Variants in CABIN1 observed in about 807,000 individuals in gnomAD.
CABIN1 encodes the protein calcineurin binding protein 1.
In CABIN1, 133 loss-of-function variants were observed where a neutral mutation model predicts 227.7. That is an observed-to-expected ratio of 0.58 (90% CI 0.51 to 0.67). The LOEUF is 0.67. CABIN1 is among the 30% of genes least tolerant of loss of function. The pLI is 0.00. For synonymous variants in CABIN1, 1,086 were observed against 1,155.1 expected (o/e 0.94, Z 1.21); for missense variants, 2,408 against 2,852.5 (o/e 0.84, Z 3.55).
intron 16 of CABIN1, 89 bp downstream of exon 16, chr22:24,067,270 T>C: frequency 7.6e-7 from 1 of 1,309,372 alleles, no homozygotes; most frequent in South Asian, 1.2e-5. Context: ...CGGTAGTTCT[T>C]AAGAATGTAT....
chr22:24,107,525 C>G (rs893387049), intron 26 of CABIN1, among the ~76,000 whole-genome samples: 2 of 152,202 alleles, frequency 1.3e-5, no homozygotes, highest in African/African-American at 4.8e-5. Context: ...AGCAGAGTCC[C>G]CACTCAATTG....
intron 15 of CABIN1, among the ~76,000 whole-genome samples, chr22:24,065,379 G>T (rs2146545629): frequency 6.6e-6 from 1 of 150,432 alleles, no homozygotes; most frequent in South Asian, 2.1e-4. Flanking sequence ...TGGGCAGCCG[G>T]GCAGAGACAC....
chr22:24,132,923 C>T (rs1392987791), intron 28 of CABIN1, among the ~76,000 whole-genome samples: 1 of 152,188 alleles, frequency 6.6e-6, no homozygotes, highest in Non-Finnish European at 1.5e-5. Context: ...CAGGTTGTTC[C>T]TCCTAGGGTG....
intron 6 of CABIN1, among the ~76,000 whole-genome samples, chr22:24,045,454 CTTT>C (rs201647137): frequency 1.4e-5 from 2 of 142,310 alleles, no homozygotes; most frequent in Non-Finnish European, 1.5e-5. Flanking sequence ...TTTAAAAATA[CTTT>C]TTTTTTTTTT....
At position 24,178,118 on chromosome 22, in the gene CABIN1, G is replaced by A. The variant is rs1401207566; in HGVS notation, c.6585G>A (p.Leu2195=). 1 of 1,613,748 alleles carries A rather than the reference G, an allele frequency of 6.2e-7. No individual in the cohort carries two copies. Among genetic ancestry groups the A allele is most frequent in the African/African-American group, 1.3e-5 (1 of 74,920 alleles). The change falls in exon 37 of 37, where the codon CTG becomes CTA. Residue 2195 remains leucine, a synonymous_variant. Transcript: ENST00000263119. The part of the protein sequence containing the change: ...VRKESLCQPA[L]EVLETSSQES... Reference sequence around the variant, plus strand: ...AGGAGAGCCTATGCCAGCCAGCCCTGGAGGTCCTGGAGACATCCAGCCAGG... The same window carrying A: ...AGGAGAGCCTATGCCAGCCAGCCCTAGAGGTCCTGGAGACATCCAGCCAGG...
At chr22:24,021,366 C>T (rs557912476) in intron 1 of CABIN1, among the ~76,000 whole-genome samples, 32 of 152,276 alleles carry the variant, frequency 2.1e-4, no homozygotes, top group African/African-American at 6.7e-4. Context: ...CTATGTTGCC[C>T]AGGCTAGTCT....
chr22:24,071,089 C>T, intron 17 of CABIN1, 47 bp downstream of exon 17: 1 of 1,612,372 alleles, frequency 6.2e-7, no homozygotes, highest in Non-Finnish European at 8.5e-7. Context: ...GCAGGTATGT[C>T]TCTGTGACAT....
chr22:24,085,528 C>T (rs9624399), intron 22 of CABIN1, among the ~76,000 whole-genome samples: 2,453 of 152,300 alleles, frequency 0.016, 80 homozygotes, highest in African/African-American at 0.056. Context: ...GCTTCCACTG[C>T]AGGCTTCTTA....
chr22:24,063,044 A>C lies in CABIN1; in HGVS notation c.1782A>C (p.Leu594=), dbSNP rs768949687. The C allele has an allele frequency of 6.2e-6, 10 of 1,614,036 alleles. No individual in the cohort carries two copies. In the South Asian group the frequency reaches 1.1e-4, roughly 18 times the overall value. ...FPGTHCLGDL[L]QLSFASSQRD... ...GGACCCACTGCCTGGGTGACCTCCT[A>C]CAGCTGTCATTTGCCTCGTCCCAGC... is the stretch of plus-strand genomic sequence containing the variant. The change falls in exon 14 of 37, where the codon CTA becomes CTC. Residue 594 remains leucine, a synonymous_variant. Coordinates refer to ENST00000263119, the MANE Select transcript of CABIN1 (RefSeq NM_012295.4).
intron 28 of CABIN1, among the ~76,000 whole-genome samples, chr22:24,129,213 A>G (rs1237647149): frequency 1.3e-5 from 2 of 152,222 alleles, no homozygotes; most frequent in Admixed American, 1.3e-4. Flanking sequence ...GGAAGGCTAC[A>G]GGTAGGGATG....
intron 29 of CABIN1, among the ~76,000 whole-genome samples, chr22:24,140,967 C>A (rs2044720463): frequency 6.6e-6 from 1 of 152,212 alleles, no homozygotes; most frequent in Non-Finnish European, 1.5e-5. Context: ...CACTCTACCC[C>A]TTACTCAGCT....
At chr22:24,047,825 A>G (rs1180848947) in intron 6 of CABIN1, among the ~76,000 whole-genome samples, 1 of 152,224 alleles carries the variant, frequency 6.6e-6, no homozygotes, top group Non-Finnish European at 1.5e-5. Context: ...CTTGCAGTCT[A>G]CCTGCACCAA....
At chr22:24,051,323 A>G (rs181756981) in intron 8 of CABIN1, among the ~76,000 whole-genome samples, 1 of 152,062 alleles carries the variant, frequency 6.6e-6, no homozygotes, top group Non-Finnish European at 1.5e-5. Flanking sequence ...TGATGTTCAG[A>G]GTACTTAAAT....
chr22:24,113,779 C>T, intron 27 of CABIN1, 31 bp downstream of exon 27: 1 of 1,610,616 alleles, frequency 6.2e-7, no homozygotes, highest in Non-Finnish European at 8.5e-7. Flanking sequence ...GAATTAGAAC[C>T]ACTTTGATGT....
intron 1 of CABIN1, among the ~76,000 whole-genome samples, chr22:24,025,605 G>T (rs1036108356): frequency 6.6e-6 from 1 of 152,206 alleles, no homozygotes; most frequent in Admixed American, 6.5e-5. Flanking sequence ...CCAAATATCA[G>T]CAGCCTCTGC....
chr22:24,015,907 G>A (rs986414844), intron 1 of CABIN1, among the ~76,000 whole-genome samples: 4 of 152,134 alleles, frequency 2.6e-5, no homozygotes, highest in East Asian at 1.9e-4. Context: ...GCAGAGAGCC[G>A]AGATCGCGCC....
chr22:24,149,020 G>A (rs2045328974), intron 29 of CABIN1, among the ~76,000 whole-genome samples: 1 of 152,112 alleles, frequency 6.6e-6, no homozygotes, highest in African/African-American at 2.4e-5. Context: ...TTCCTATTTG[G>A]CAAGTTTGAC....
intron 24 of CABIN1, 51 bp from the exon 25 acceptor site, chr22:24,095,879 CA>C: frequency 6.2e-7 from 1 of 1,609,554 alleles, no homozygotes; most frequent in Non-Finnish European, 8.5e-7. Context: ...GCCTGTGGAA[CA>C]AATCTTAGCA....
Position 24,050,704 on chromosome 22 carries a change from A to G in CABIN1, c.657-121A>G. The G allele has an allele frequency of 4.8e-6, 6 of 1,245,118 alleles. No homozygotes were observed. In the South Asian group the frequency reaches 6.3e-5, roughly 13 times the overall value. The allele number at this position is 1,245,118 out of a possible 1,614,324, so 77.1% of individuals were successfully genotyped here. Reference sequence around the variant, plus strand: ...CAGGCCAGACTGAAGTGGTTATTTTATTTATAGGAAGAAAAATACACATTA... The same window carrying G: ...CAGGCCAGACTGAAGTGGTTATTTTGTTTATAGGAAGAAAAATACACATTA... On this transcript the variant is annotated intron_variant, in intron 7 of 36. Coordinates refer to ENST00000263119, the MANE Select transcript of CABIN1 (RefSeq NM_012295.4).
Sources: gnomAD v4.1 joint callset for allele counts (sites outside exome capture counted in the v4.1 genomes callset) on GRCh38, gnomAD v4.1.1 for gene constraint, MANE v1.5 for transcripts, NCBI Gene and HGNC (gene_info 2026-07-23, HGNC 2026-07-21) for gene names.